The following COL5A2 variants were observed in gnomAD, a reference collection of about 807,000 sequenced individuals.
The protein encoded by COL5A2 is collagen type V alpha 2 chain, also known as collagen alpha-2(V) chain.
COL5A2 carries 23 observed loss-of-function variants against 208.2 expected under a neutral mutation model. The ratio of observed to expected loss-of-function variants is 0.11; its 90% CI spans 0.08 to 0.16. The LOEUF (loss-of-function observed/expected upper bound fraction) is 0.16, where lower values mean the gene tolerates loss of function less well. Among genes scored for constraint, COL5A2 ranks in the 10% least tolerant of loss-of-function variants. The pLI is 1.00. For missense variants in COL5A2, 1,590 were observed against 1,956.4 expected, an observed-to-expected ratio of 0.81 and a Z score of 3.53; for synonymous variants, 625 against 628.5, an observed-to-expected ratio of 0.99 and a Z score of 0.08.
At chr2:189,303,418 C>G in the COL5A2 span, among the ~76,000 whole-genome samples, 1 of 152,164 alleles carries the variant, frequency 6.6e-6, no homozygotes, top group East Asian at 1.9e-4. Context: ...ACTGCCACCT[C>G]TATAGGCCCC....
At chr2:189,085,070 T>C in intron 11 of COL5A2, 90 bp downstream of exon 11, 1 of 1,028,422 alleles carries the variant, frequency 9.7e-7, no homozygotes, top group Non-Finnish European at 1.5e-6. Context: ...TGGGGAAATG[T>C]AATGGAAATT....
chr2:189,274,923 G>A, the COL5A2 span, among the ~76,000 whole-genome samples: 1 of 152,096 alleles, frequency 6.6e-6, no homozygotes, highest in African/African-American at 2.4e-5. Flanking sequence ...ATAGTTGAAT[G>A]AGCACAATTT....
chr2:189,301,769 T>G, the COL5A2 span, among the ~76,000 whole-genome samples: 1 of 152,274 alleles, frequency 6.6e-6, no homozygotes, highest in African/African-American at 2.4e-5. Flanking sequence ...TTTGACATAT[T>G]CATAAAATAT....
chr2:189,377,032 G>C, the COL5A2 span, among the ~76,000 whole-genome samples: 1 of 152,094 alleles, frequency 6.6e-6, no homozygotes, highest in South Asian at 2.1e-4. Flanking sequence ...GATCTTACAG[G>C]ACAAAGTCCA....
chr2:189,078,908 G>A (rs1219387182), intron 15 of COL5A2, among the ~76,000 whole-genome samples, 155 bp downstream of exon 15: 2 of 152,154 alleles, frequency 1.3e-5, no homozygotes, highest in Admixed American at 6.5e-5. Flanking sequence ...CAACTCTCCT[G>A]TGCTTGTCTA....
At chr2:189,364,810 C>A in the COL5A2 span, among the ~76,000 whole-genome samples, 1 of 152,078 alleles carries the variant, frequency 6.6e-6, no homozygotes, top group African/African-American at 2.4e-5. Flanking sequence ...CCAACGTCAT[C>A]AAAAATAGAG....
At chr2:189,313,693 G>A in the COL5A2 span, among the ~76,000 whole-genome samples, 3 of 152,124 alleles carry the variant, frequency 2.0e-5, no homozygotes, top group Non-Finnish European at 2.9e-5. Context: ...ATCTTCGAAA[G>A]ACCCATCTCA....
At chr2:189,146,529 C>T (rs1444327843) in intron 1 of COL5A2, among the ~76,000 whole-genome samples, 1 of 151,816 alleles carries the variant, frequency 6.6e-6, no homozygotes, top group Admixed American at 6.6e-5. Flanking sequence ...ATCATGGGTG[C>T]CCACTTCTGT....
the COL5A2 span, among the ~76,000 whole-genome samples, chr2:189,290,717 TACACACACACAC>T: frequency 2.2e-5 from 3 of 136,530 alleles, no homozygotes; most frequent in African/African-American, 5.5e-5. Context: ...TTTTTGTTAA[TACACACACACAC>T]ACACACACAC....
Position 189,126,744 on chromosome 2 carries a change from G to A in COL5A2, c.98-16295C>T, listed in dbSNP as rs188482254. On this transcript the variant is annotated intron_variant, in intron 1 of 53. Coordinates refer to ENST00000374866, the MANE Select transcript of COL5A2 (RefSeq NM_000393.5). Reference sequence around the variant, plus strand: ...TATGCAGTCCAGTGTGCCATGTAGGGGATTTGAAGTAGTCTTGGCAGGGTG... The same window carrying A: ...TATGCAGTCCAGTGTGCCATGTAGGAGATTTGAAGTAGTCTTGGCAGGGTG... Among the ~76,000 whole-genome samples the A allele has an allele frequency of 5.3e-5, 8 of 152,186 alleles. No individual in the cohort carries two copies. In the East Asian group the frequency reaches 9.6e-4, roughly 18 times the overall value.
At chr2:189,385,602 T>C in the COL5A2 span, among the ~76,000 whole-genome samples, 2 of 152,012 alleles carry the variant, frequency 1.3e-5, no homozygotes, top group Admixed American at 1.3e-4. Flanking sequence ...ATGCCATTTT[T>C]CACAGAATTA....
In COL5A2 at chr2:189,052,195, T is replaced by C; in HGVS notation, c.2746A>G (p.Arg916Gly). The change falls in exon 41 of 54, where the codon AGA (arginine) becomes GGA (glycine). Residue 916 changes from arginine to glycine, a missense_variant. Coordinates refer to ENST00000374866, the MANE Select transcript of COL5A2 (RefSeq NM_000393.5). Reference sequence around the variant, plus strand: ...ACAGCAGGGCCTGGAGGTCCAACTCTGCCCGCAGAACCAGGAAATCCTGTA... The same window carrying C: ...ACAGCAGGGCCTGGAGGTCCAACTCCGCCCGCAGAACCAGGAAATCCTGTA... ...GATGFPGSAG[R>G]VGPPGPAGAP... 6.2e-7 allele frequency: 1 copy of C among 1,613,960 alleles called. No individual in the cohort carries two copies. Among genetic ancestry groups the C allele is most frequent in the South Asian group, 1.1e-5 (1 of 91,082 alleles).
the COL5A2 span, among the ~76,000 whole-genome samples, chr2:189,237,186 A>C: frequency 6.6e-6 from 1 of 151,768 alleles, no homozygotes; most frequent in South Asian, 2.1e-4. Flanking sequence ...TGTATACCTT[A>C]ATAATTTCCT....
chr2:189,252,529 C>G, the COL5A2 span, among the ~76,000 whole-genome samples: 2 of 152,016 alleles, frequency 1.3e-5, no homozygotes, highest in African/African-American at 4.8e-5. Flanking sequence ...ACCAAACACC[C>G]CATGTTCTCA....
chr2:189,434,756 G>A, the COL5A2 span, among the ~76,000 whole-genome samples: 1 of 152,072 alleles, frequency 6.6e-6, no homozygotes, highest in African/African-American at 2.4e-5. Context: ...ACTGCCCAAG[G>A]TAATTTATAG....
the COL5A2 span, among the ~76,000 whole-genome samples, chr2:189,299,169 T>G: frequency 6.6e-6 from 1 of 152,232 alleles, no homozygotes; most frequent in Admixed American, 6.5e-5. Context: ...TTTTCCAGAC[T>G]ACTATGCAAG....
At chr2:189,435,670 G>C in the COL5A2 span, among the ~76,000 whole-genome samples, 1 of 152,170 alleles carries the variant, frequency 6.6e-6, no homozygotes, top group Non-Finnish European at 1.5e-5. Context: ...TAAAAAGTCA[G>C]GAAACAACAG....
the COL5A2 span, among the ~76,000 whole-genome samples, chr2:189,362,836 G>A: frequency 3.9e-5 from 6 of 152,002 alleles, no homozygotes; most frequent in Non-Finnish European, 5.9e-5. Flanking sequence ...ATACCAAAAT[G>A]TCTAATACTG....
rs748999143 is a variant in COL5A2, at chr2:189,035,095, G to A, written c.4174C>T (p.Leu1392Phe). The change falls in exon 53 of 54, where the codon CTT becomes TTT. Residue 1392 changes from leucine to phenylalanine, a missense_variant. Coordinates refer to ENST00000374866, the MANE Select transcript of COL5A2 (RefSeq NM_000393.5). ...TAITQMTFLR[L>F]LSKEASQNIT... Reference sequence around the variant, plus strand: ...TTCTGGGAGGCTTCTTTTGATAAAAGGCGCAAAAAAGTCATCTGAGTAATG... The same window carrying A: ...TTCTGGGAGGCTTCTTTTGATAAAAAGCGCAAAAAAGTCATCTGAGTAATG... 1.9e-6 allele frequency: 3 copies of A among 1,613,794 alleles called. No homozygotes were observed. The highest frequency in any genetic ancestry group is 2.5e-6 in the Non-Finnish European group (3 of 1,179,874).
Sources: allele counts gnomAD v4.1 joint callset (sites outside exome capture counted in the v4.1 genomes callset), GRCh38; gene constraint gnomAD v4.1.1; transcripts MANE v1.5; gene names NCBI Gene and HGNC (gene_info 2026-07-23, HGNC 2026-07-21).